STYK1: variants seen among roughly 807,000 people sequenced by gnomAD.
The protein encoded by STYK1 is tyrosine-protein kinase STYK1.
STYK1 carries 46 observed loss-of-function variants against 48.1 expected under a neutral mutation model. The observed-to-expected ratio is 0.96, with a 90% CI of 0.75 to 1.22. The LOEUF is 1.22. Ranked by LOEUF, STYK1 falls within the 50% of genes most tolerant of loss-of-function variation. The pLI is 0.00. For synonymous variants in STYK1, 188 were observed against 189.0 expected, an observed-to-expected ratio of 0.99 and a Z score of 0.04; for missense variants, 527 against 521.1, an observed-to-expected ratio of 1.01 and a Z score of -0.11.
intron 7 of STYK1, among the ~76,000 whole-genome samples, chr12:10,625,278 C>T (rs1231974660): frequency 2.6e-5 from 4 of 152,180 alleles, no homozygotes; most frequent in East Asian, 3.9e-4. Flanking sequence ...AGTGCAGTGG[C>T]GGGATCTCAG....
At position 10,619,784 on chromosome 12, in the gene STYK1, A is replaced by C. The variant is rs1291742524; in HGVS notation, c.*360T>G. 2.5e-6 allele frequency: 1 copy of C among 396,844 alleles called. No homozygotes were observed. The highest frequency in any genetic ancestry group is 1.1e-4 in the South Asian group (1 of 8,888). The allele number at this position is 396,844 out of a possible 1,614,324, so 24.6% of individuals were successfully genotyped here. On this transcript the variant is annotated 3_prime_UTR_variant, in exon 11 of 11. Coordinates refer to ENST00000075503, the MANE Select transcript of STYK1 (RefSeq NM_018423.3). ...TTCCTTCATTTCATTCCAAATTTTCATCTAGATAAAAATGTGGTTCCAGAG... is the reference window on the plus strand; with the variant it reads ...TTCCTTCATTTCATTCCAAATTTTCCTCTAGATAAAAATGTGGTTCCAGAG...
intron 8 of STYK1, among the ~76,000 whole-genome samples, chr12:10,624,384 A>G (rs1406319329): frequency 6.6e-6 from 1 of 152,108 alleles, no homozygotes; most frequent in Non-Finnish European, 1.5e-5. Context: ...TGATCATGCC[A>G]CTTCACTTCA....
In STYK1 at chr12:10,631,060, G is replaced by C; in HGVS notation, c.436C>G (p.Leu146Val). ...CTTGTTTTACCTTTTAAAGCCTTGAGAATAACACTCTTGGGCTTAGAAGGG... is the reference window on the plus strand; with the variant it reads ...CTTGTTTTACCTTTTAAAGCCTTGACAATAACACTCTTGGGCTTAGAAGGG... ...GDPSKPKSVI[L>V]KALKEPAGLH... The change falls in exon 5 of 11, where the codon CTC becomes GTC. Residue 146 changes from leucine to valine, a missense_variant. Coordinates refer to ENST00000075503, the MANE Select transcript of STYK1 (RefSeq NM_018423.3). 1 of 1,614,004 alleles carries C rather than the reference G, an allele frequency of 6.2e-7. No individual in the cohort carries two copies. The highest frequency in any genetic ancestry group is 1.1e-5 in the South Asian group (1 of 91,068).
At chr12:10,644,350 C>A (rs1307092616) in intron 1 of STYK1, among the ~76,000 whole-genome samples, 1 of 152,112 alleles carries the variant, frequency 6.6e-6, no homozygotes, top group Admixed American at 6.5e-5. Context: ...AAACTGAAAT[C>A]CCAGGAAACT....
intron 6 of STYK1, among the ~76,000 whole-genome samples, chr12:10,629,232 TAA>T (rs1239134724): frequency 6.6e-6 from 1 of 152,194 alleles, no homozygotes; most frequent in African/African-American, 2.4e-5. Flanking sequence ...AAATAAAATT[TAA>T]AATTTAGTTT....
At chr12:10,622,263 T>C (rs1438861406) in intron 9 of STYK1, among the ~76,000 whole-genome samples, 1 of 152,158 alleles carries the variant, frequency 6.6e-6, no homozygotes, top group Non-Finnish European at 1.5e-5. Context: ...TCTCCATACA[T>C]GGGAAAGTGT....
At chr12:10,673,829 CA>C (rs1854393268) in intron 1 of STYK1, 136 bp downstream of exon 1, 1 of 152,340 alleles carries the variant, frequency 6.6e-6, no homozygotes, top group Admixed American at 6.5e-5. Flanking sequence ...TTCACATAAA[CA>C]CCCGTTCCGC....
At position 10,620,087 on chromosome 12, in the gene STYK1, G is replaced by T; in HGVS notation, c.*57C>A. On this transcript the variant is annotated 3_prime_UTR_variant, in exon 11 of 11. Coordinates refer to ENST00000075503, the MANE Select transcript of STYK1 (RefSeq NM_018423.3). Reference sequence around the variant, plus strand: ...TGGGAAAGACCATTCTCTGTTCTTAGAGGAATTGATTCCAAGAACATATAC... The same window carrying T: ...TGGGAAAGACCATTCTCTGTTCTTATAGGAATTGATTCCAAGAACATATAC... 1 of 1,584,090 alleles carries T rather than the reference G, an allele frequency of 6.3e-7. No individual in the cohort carries two copies.
At chr12:10,649,389 C>T (rs190216908) in intron 1 of STYK1, among the ~76,000 whole-genome samples, 184 of 152,244 alleles carry the variant, frequency 1.2e-3, no homozygotes, top group Non-Finnish European at 2.2e-3. Context: ...CCATGGAATA[C>T]TACACATTTA....
chr12:10,651,872 T>C (rs935397042), intron 1 of STYK1, among the ~76,000 whole-genome samples: 1 of 152,202 alleles, frequency 6.6e-6, no homozygotes, highest in Non-Finnish European at 1.5e-5. Context: ...TTCTATTCTT[T>C]TTTTTTGTAA....
intron 1 of STYK1, among the ~76,000 whole-genome samples, chr12:10,643,186 G>A (rs930562111): frequency 2.0e-5 from 3 of 152,178 alleles, no homozygotes; most frequent in Admixed American, 6.5e-5. Flanking sequence ...CGATGGGGCC[G>A]TGTTGTCCTC....
chr12:10,643,772 G>A (rs1348873595), intron 1 of STYK1, among the ~76,000 whole-genome samples: 3 of 152,194 alleles, frequency 2.0e-5, no homozygotes, highest in African/African-American at 7.2e-5. Context: ...TGGGAACAGA[G>A]CTTGATACAT....
rs1865881558 is a variant in STYK1 at position 10,620,094 on chromosome 12, T to C, written c.*50A>G. On this transcript the variant is annotated 3_prime_UTR_variant, in exon 11 of 11. Transcript: ENST00000075503. The stretch of plus-strand genomic sequence containing the variant: ...GACCATTCTCTGTTCTTAGAGGAAT[T>C]GATTCCAAGAACATATACTCATGCA... 1 of 1,597,858 alleles carries C rather than the reference T, an allele frequency of 6.3e-7. No individual in the cohort carries two copies. The highest frequency in any genetic ancestry group is 8.6e-7 in the Non-Finnish European group (1 of 1,165,918).
intron 1 of STYK1, among the ~76,000 whole-genome samples, chr12:10,655,252 GT>G (rs113371751): frequency 1.8e-4 from 27 of 152,264 alleles, no homozygotes; most frequent in African/African-American, 6.3e-4. Flanking sequence ...CTCTCATCTT[GT>G]TTTATATCCT....
At chr12:10,635,966 T>C (rs957384790) in intron 2 of STYK1, among the ~76,000 whole-genome samples, 5 of 152,198 alleles carry the variant, frequency 3.3e-5, no homozygotes, top group African/African-American at 1.2e-4. Flanking sequence ...AAAATATGAT[T>C]TTCTGCTAAA....
intron 1 of STYK1, among the ~76,000 whole-genome samples, chr12:10,649,916 T>C (rs1003315590): frequency 3.9e-4 from 59 of 151,836 alleles, no homozygotes; most frequent in African/African-American, 1.4e-3. Flanking sequence ...ATCGAGACCA[T>C]CCTGGCTAAC....
intron 1 of STYK1, among the ~76,000 whole-genome samples, chr12:10,659,729 A>G (rs1230306709): frequency 6.6e-6 from 1 of 152,240 alleles, no homozygotes; most frequent in Admixed American, 6.5e-5. Context: ...GAGCTAATTT[A>G]AAAAGAACCT....
chr12:10,671,734 G>A (rs1947893775), intron 1 of STYK1, among the ~76,000 whole-genome samples: 2 of 152,200 alleles, frequency 1.3e-5, no homozygotes, highest in African/African-American at 4.8e-5. Flanking sequence ...CAGGTTAAAA[G>A]AAAACAGAGC....
chr12:10,636,674 A>T (rs1014385470), intron 2 of STYK1, among the ~76,000 whole-genome samples: 2 of 152,202 alleles, frequency 1.3e-5, no homozygotes, highest in South Asian at 4.1e-4. Flanking sequence ...TGCTATTATC[A>T]TTCTTATTTT....
Sources: gnomAD v4.1 joint callset for allele counts (sites outside exome capture counted in the v4.1 genomes callset) on GRCh38, gnomAD v4.1.1 for gene constraint, MANE v1.5 for transcripts, NCBI Gene and HGNC (gene_info 2026-07-23, HGNC 2026-07-21) for gene names.